Variants in RPS6KC1 observed in about 807,000 individuals in gnomAD.
RPS6KC1 encodes the protein ribosomal protein S6 kinase C1.
Under a neutral mutation model 103.8 loss-of-function variants are expected in RPS6KC1, and 54 were observed. That is an observed-to-expected ratio of 0.52 (90% CI 0.42 to 0.65). The LOEUF is 0.65. Among genes scored for constraint, RPS6KC1 ranks in the 30% least tolerant of loss-of-function variants. The pLI is 0.00. For synonymous variants in RPS6KC1, 439 were observed against 438.7 expected (o/e 1.00, Z -0.01); for missense variants, 1,151 against 1,253.8 (o/e 0.92, Z 1.24).
At chr1:213,519,105 G>A in the RPS6KC1 span, among the ~76,000 whole-genome samples, 4 of 152,294 alleles carry the variant, frequency 2.6e-5, no homozygotes, top group East Asian at 7.7e-4. Flanking sequence ...AACCTATAAA[G>A]TGTGTTCACA....
the RPS6KC1 span, among the ~76,000 whole-genome samples, chr1:213,718,563 G>C: frequency 6.6e-6 from 1 of 152,218 alleles, no homozygotes; most frequent in Admixed American, 6.5e-5. Flanking sequence ...ATGGCTGACA[G>C]AATGAAAGAG....
At chr1:213,171,960 G>A (rs1258909175) in intron 7 of RPS6KC1, among the ~76,000 whole-genome samples, 1 of 152,136 alleles carries the variant, frequency 6.6e-6, no homozygotes, top group Non-Finnish European at 1.5e-5. Context: ...TACATTCTTT[G>A]TGGTGCTTTC....
the RPS6KC1 span, among the ~76,000 whole-genome samples, chr1:213,732,483 AAT>A: frequency 6.6e-6 from 1 of 152,226 alleles, no homozygotes; most frequent in East Asian, 1.9e-4. Context: ...CAAGGCAGGC[AAT>A]AACTTACCTT....
chr1:213,626,882 T>G, the RPS6KC1 span, among the ~76,000 whole-genome samples: 1 of 152,346 alleles, frequency 6.6e-6, no homozygotes, highest in African/African-American at 2.4e-5. Flanking sequence ...TTTGTTCTTT[T>G]GGCTTAGGAT....
At chr1:213,629,471 G>A in the RPS6KC1 span, among the ~76,000 whole-genome samples, 4 of 152,262 alleles carry the variant, frequency 2.6e-5, no homozygotes, top group South Asian at 2.1e-4. Flanking sequence ...TTGAGCCTAT[G>A]TGTGTTTCCG....
At chr1:213,271,476 T>G (rs2095045509) in intron 14 of RPS6KC1, among the ~76,000 whole-genome samples, 1 of 151,608 alleles carries the variant, frequency 6.6e-6, no homozygotes, top group East Asian at 1.9e-4. Context: ...AATCAAAATG[T>G]TCTAAAAGGC....
At chr1:213,816,655 C>A in the RPS6KC1 span, among the ~76,000 whole-genome samples, 1 of 152,120 alleles carries the variant, frequency 6.6e-6, no homozygotes, top group Non-Finnish European at 1.5e-5. Context: ...TGCTCACCAG[C>A]CCCCTGTTCC....
the RPS6KC1 span, among the ~76,000 whole-genome samples, chr1:213,484,828 T>G: frequency 6.6e-6 from 1 of 152,304 alleles, no homozygotes; most frequent in East Asian, 1.9e-4. Flanking sequence ...AGAAGTGAGC[T>G]AGGAAAGATA....
chr1:213,370,215 T>A, the RPS6KC1 span, among the ~76,000 whole-genome samples: 1 of 152,120 alleles, frequency 6.6e-6, no homozygotes, highest in Non-Finnish European at 1.5e-5. Flanking sequence ...TAAGACAGTT[T>A]GGACCTTACC....
chr1:213,447,364 G>A, the RPS6KC1 span, among the ~76,000 whole-genome samples: 2 of 152,108 alleles, frequency 1.3e-5, no homozygotes, highest in Non-Finnish European at 2.9e-5. Flanking sequence ...GATTACAGGT[G>A]TAAGCTACTG....
the RPS6KC1 span, among the ~76,000 whole-genome samples, chr1:213,453,680 T>C: frequency 2.6e-5 from 4 of 152,130 alleles, no homozygotes; most frequent in Non-Finnish European, 5.9e-5. Flanking sequence ...CACTTTGGGG[T>C]AACAGTAAAA....
chr1:213,448,215 GT>G, the RPS6KC1 span, among the ~76,000 whole-genome samples: 1 of 116,058 alleles, frequency 8.6e-6, no homozygotes, highest in African/African-American at 3.6e-5. Context: ...GGGTGACAGA[GT>G]GAGACTGTCA....
At chr1:213,709,725 T>C in the RPS6KC1 span, among the ~76,000 whole-genome samples, 3 of 152,242 alleles carry the variant, frequency 2.0e-5, no homozygotes, top group African/African-American at 4.8e-5. Context: ...TGTGTGTTTG[T>C]TCTGATTGGT....
chr1:213,438,274 A>G, the RPS6KC1 span, among the ~76,000 whole-genome samples: 2 of 151,926 alleles, frequency 1.3e-5, no homozygotes, highest in East Asian at 1.9e-4. Context: ...GTCTGTTTCT[A>G]TTGTCTGTTT....
chr1:213,071,507 C>A (rs2078879032), intron 2 of RPS6KC1, among the ~76,000 whole-genome samples: 1 of 152,084 alleles, frequency 6.6e-6, no homozygotes, highest in South Asian at 2.1e-4. Flanking sequence ...TATTTGAGAC[C>A]TACTAAGTAA....
At chr1:213,219,687 G>T (rs548794700) in intron 8 of RPS6KC1, among the ~76,000 whole-genome samples, 3 of 152,218 alleles carry the variant, frequency 2.0e-5, no homozygotes, top group Admixed American at 1.3e-4. Flanking sequence ...CCATATAAAA[G>T]GATGAGTTCA....
the RPS6KC1 span, among the ~76,000 whole-genome samples, chr1:213,544,661 A>G: frequency 1.3e-5 from 2 of 151,980 alleles, no homozygotes; most frequent in African/African-American, 4.8e-5. Context: ...GGAGCCTTTG[A>G]GTTTAGGCTT....
At chr1:213,825,576 T>G in the RPS6KC1 span, among the ~76,000 whole-genome samples, 2 of 152,012 alleles carry the variant, frequency 1.3e-5, no homozygotes, top group African/African-American at 4.8e-5. Flanking sequence ...GTTGCCCAGG[T>G]TAGAGTGACT....
the RPS6KC1 span, among the ~76,000 whole-genome samples, chr1:213,691,194 G>C: frequency 7.6e-3 from 1,155 of 152,288 alleles, 11 homozygotes; most frequent in Middle Eastern, 0.041. Context: ...ATCTTTTGCT[G>C]TGCCGAGCCA....
Sources: gnomAD v4.1 joint callset for allele counts (sites outside exome capture counted in the v4.1 genomes callset) on GRCh38, gnomAD v4.1.1 for gene constraint, MANE v1.5 for transcripts, NCBI Gene and HGNC (gene_info 2026-07-23, HGNC 2026-07-21) for gene names.